The following ATXN7L1 variants were observed in gnomAD, a reference collection of about 807,000 sequenced individuals.
The protein encoded by ATXN7L1 is ataxin 7 like 1.
Under a neutral mutation model 70.8 loss-of-function variants are expected in ATXN7L1, and 15 were observed. The observed-to-expected ratio is 0.21, with a 90% CI of 0.14 to 0.33. ATXN7L1 has a LOEUF of 0.33. Among genes scored for constraint, ATXN7L1 ranks in the 10% least tolerant of loss-of-function variants. ATXN7L1 has a pLI of 1.00. For synonymous variants in ATXN7L1, 440 were observed against 445.1 expected (o/e 0.99, Z 0.14); for missense variants, 975 against 1,097.1 (o/e 0.89, Z 1.57).
At chr7:105,692,368 T>TC (rs1481253162) in intron 3 of ATXN7L1, among the ~76,000 whole-genome samples, 74 of 149,680 alleles carry the variant, frequency 4.9e-4, no homozygotes, top group African/African-American at 1.6e-3. Context: ...TGAATTTCTT[T>TC]CTTTCCTTCC....
At chr7:105,772,646 G>T (rs891026362) in intron 3 of ATXN7L1, among the ~76,000 whole-genome samples, 3 of 152,070 alleles carry the variant, frequency 2.0e-5, no homozygotes, top group Non-Finnish European at 4.4e-5. Flanking sequence ...AAAGCAAAAG[G>T]TGTCAGAGTT....
chr7:105,766,429 G>C (rs1318839383), intron 3 of ATXN7L1, among the ~76,000 whole-genome samples: 1 of 152,096 alleles, frequency 6.6e-6, no homozygotes, highest in Non-Finnish European at 1.5e-5. Flanking sequence ...TTTGTGCCGA[G>C]ACATTGATTT....
chr7:105,763,260 G>A (rs1401819382), intron 3 of ATXN7L1, among the ~76,000 whole-genome samples: 1 of 152,146 alleles, frequency 6.6e-6, no homozygotes, highest in African/African-American at 2.4e-5. Context: ...TCTCTCTTGA[G>A]GATGTCTGGT....
intron 3 of ATXN7L1, among the ~76,000 whole-genome samples, chr7:105,722,679 G>A (rs1795337739): frequency 6.8e-6 from 1 of 146,250 alleles, no homozygotes; most frequent in African/African-American, 2.5e-5. Flanking sequence ...AGGAGTTCGA[G>A]ACCAATCTGG....
intron 4 of ATXN7L1, among the ~76,000 whole-genome samples, chr7:105,652,240 G>A (rs552317644): frequency 4.6e-5 from 7 of 152,292 alleles, no homozygotes; most frequent in East Asian, 1.9e-4. Context: ...GTCCAGGAGC[G>A]TTTTAAGGAT....
At chr7:105,724,663 C>T (rs928308065) in intron 3 of ATXN7L1, among the ~76,000 whole-genome samples, 7 of 149,260 alleles carry the variant, frequency 4.7e-5, no homozygotes, top group African/African-American at 4.9e-5. Context: ...CCGAGGCGGG[C>T]GGATCACCTG....
chr7:105,760,289 C>T (rs1800377089), intron 3 of ATXN7L1: 1 of 953,274 alleles, frequency 1.0e-6, no homozygotes, highest in South Asian at 4.9e-5. Flanking sequence ...AATGCTTTTC[C>T]ATATATTATT....
chr7:105,862,797 G>A (rs1239773471), intron 2 of ATXN7L1, among the ~76,000 whole-genome samples: 2 of 152,166 alleles, frequency 1.3e-5, no homozygotes, highest in African/African-American at 4.8e-5. Flanking sequence ...AGTTAATGGA[G>A]AATGGGTGAA....
At chr7:105,669,283 T>C (rs1803152006) in intron 3 of ATXN7L1, among the ~76,000 whole-genome samples, 1 of 152,116 alleles carries the variant, frequency 6.6e-6, no homozygotes, top group African/African-American at 2.4e-5. Context: ...GGTTTCGCCT[T>C]GTTAGCCAGG....
intron 2 of ATXN7L1, among the ~76,000 whole-genome samples, chr7:105,871,839 T>C (rs1163084058): frequency 1.3e-5 from 2 of 152,136 alleles, no homozygotes; most frequent in Non-Finnish European, 2.9e-5. Flanking sequence ...TCATACTTTA[T>C]AGGTGGAGAA....
intron 3 of ATXN7L1, among the ~76,000 whole-genome samples, chr7:105,733,723 C>T (rs1796983618): frequency 6.8e-6 from 1 of 146,074 alleles, no homozygotes; most frequent in African/African-American, 2.5e-5. Context: ...CCCATCCATC[C>T]ATCCTTCCAT....
chr7:105,647,727 G>A (rs1026207653), intron 4 of ATXN7L1, among the ~76,000 whole-genome samples: 2 of 152,344 alleles, frequency 1.3e-5, no homozygotes, highest in Non-Finnish European at 2.9e-5. Context: ...TAAAGTCAAC[G>A]TCAGGCTCTG....
chr7:105,788,471 G>T, intron 3 of ATXN7L1, 133 bp downstream of exon 3: 1 of 710,706 alleles, frequency 1.4e-6, no homozygotes, highest in Non-Finnish European at 2.5e-6. Context: ...AGAGGCAGCA[G>T]CCCAGGAAGA....
chr7:105,810,228 C>T (rs1229815845), intron 2 of ATXN7L1, among the ~76,000 whole-genome samples: 5 of 152,158 alleles, frequency 3.3e-5, no homozygotes, highest in Admixed American at 3.3e-4. Context: ...GAGAGATCTA[C>T]CCTTGTATAG....
intron 7 of ATXN7L1, among the ~76,000 whole-genome samples, chr7:105,625,103 AG>A (rs1205109859): frequency 6.6e-6 from 1 of 152,216 alleles, no homozygotes; most frequent in East Asian, 1.9e-4. Flanking sequence ...CTATGATTTT[AG>A]GAAACTGTTA....
intron 2 of ATXN7L1, among the ~76,000 whole-genome samples, chr7:105,821,888 A>G (rs1810220667): frequency 6.6e-6 from 1 of 152,212 alleles, no homozygotes; most frequent in Non-Finnish European, 1.5e-5. Flanking sequence ...CCTTTGCATA[A>G]TTAATCCTCT....
At chr7:105,724,573 CAAAAAAA>C (rs573733959) in intron 3 of ATXN7L1, among the ~76,000 whole-genome samples, 3,435 of 78,796 alleles carry the variant, frequency 0.044, 23 homozygotes, top group East Asian at 0.07. Context: ...GACTCTGTCT[CAAAAAAA>C]AAAAAAAAAA....
chr7:105,644,009 G>C (rs141539029), intron 4 of ATXN7L1, among the ~76,000 whole-genome samples: 149 of 152,348 alleles, frequency 9.8e-4, no homozygotes, highest in African/African-American at 3.3e-3. Flanking sequence ...CCCTGAGCTA[G>C]ATTCCCTTTC....
chr7:105,688,615 C>T (rs1474119792), intron 3 of ATXN7L1, among the ~76,000 whole-genome samples: 1 of 152,170 alleles, frequency 6.6e-6, no homozygotes, highest in Non-Finnish European at 1.5e-5. Flanking sequence ...TCTCTCTCTA[C>T]CTTATGCCCT....
Sources: gnomAD v4.1 joint callset for allele counts (sites outside exome capture counted in the v4.1 genomes callset) on GRCh38, gnomAD v4.1.1 for gene constraint, MANE v1.5 for transcripts, NCBI Gene and HGNC (gene_info 2026-07-23, HGNC 2026-07-21) for gene names.